Variants in HS6ST3 observed in about 807,000 individuals in gnomAD.
HS6ST3 encodes the protein heparan sulfate 6-O-sulfotransferase 3.
A neutral mutation model predicts 36.7 loss-of-function variants in HS6ST3; 12 were observed. The ratio of observed to expected loss-of-function variants is 0.33; its 90% confidence interval spans 0.21 to 0.53. The LOEUF is 0.53. HS6ST3 is among the 20% of genes least tolerant of loss of function. The pLI is 0.95. For synonymous variants in HS6ST3, 240 were observed against 257.5 expected, an observed-to-expected ratio of 0.93 and a Z score of 0.65; for missense variants, 584 against 640.9, an observed-to-expected ratio of 0.91 and a Z score of 0.96.
intron 1 of HS6ST3, among the ~76,000 whole-genome samples, chr13:96,559,505 C>T (rs183405739): frequency 1.3e-5 from 2 of 152,230 alleles, no homozygotes; most frequent in African/African-American, 4.8e-5. Flanking sequence ...TGATATCTAG[C>T]TGGTATTTGG....
intron 1 of HS6ST3, among the ~76,000 whole-genome samples, chr13:96,392,053 T>G (rs2055398519): frequency 6.6e-6 from 1 of 152,212 alleles, no homozygotes; most frequent in Non-Finnish European, 1.5e-5. Context: ...GCCCACTCTC[T>G]GCTGTAGCAG....
intron 1 of HS6ST3, among the ~76,000 whole-genome samples, chr13:96,149,411 A>G (rs1033724212): frequency 1.3e-5 from 2 of 152,128 alleles, no homozygotes; most frequent in Non-Finnish European, 2.9e-5. Context: ...TAGCCACAAT[A>G]GTGTGACCTC....
chr13:96,595,769 T>G (rs910870380), intron 1 of HS6ST3, among the ~76,000 whole-genome samples: 9 of 152,108 alleles, frequency 5.9e-5, no homozygotes, highest in African/African-American at 2.2e-4. Flanking sequence ...TAACCTGTAT[T>G]CAAGTACACA....
intron 1 of HS6ST3, among the ~76,000 whole-genome samples, chr13:96,698,167 G>A (rs1875183390): frequency 1.3e-5 from 2 of 151,968 alleles, no homozygotes; most frequent in South Asian, 4.1e-4. Context: ...TTAACATTAG[G>A]TATATCTCCC....
At chr13:96,184,967 C>A (rs1457143485) in intron 1 of HS6ST3, among the ~76,000 whole-genome samples, 1 of 152,120 alleles carries the variant, frequency 6.6e-6, no homozygotes, top group Non-Finnish European at 1.5e-5. Context: ...AAATATATAT[C>A]TATTTAACTT....
intron 1 of HS6ST3, among the ~76,000 whole-genome samples, chr13:96,213,604 C>T (rs977149280): frequency 6.6e-6 from 1 of 151,472 alleles, no homozygotes; most frequent in East Asian, 1.9e-4. Context: ...TCAGCTCACT[C>T]TGTGCAGGAC....
At chr13:96,800,768 T>A (rs1878046237) in intron 1 of HS6ST3, among the ~76,000 whole-genome samples, 2 of 152,030 alleles carry the variant, frequency 1.3e-5, no homozygotes, top group Non-Finnish European at 2.9e-5. Flanking sequence ...TCAAGAACTT[T>A]ACTCCCACCA....
intron 1 of HS6ST3, among the ~76,000 whole-genome samples, chr13:96,257,811 T>A (rs2054644468): frequency 6.6e-6 from 1 of 152,134 alleles, no homozygotes; most frequent in Admixed American, 6.5e-5. Context: ...CACAGAGTAT[T>A]AGAGAGAAGA....
intron 1 of HS6ST3, among the ~76,000 whole-genome samples, chr13:96,136,924 G>C (rs985337616): frequency 6.6e-6 from 1 of 151,906 alleles, no homozygotes; most frequent in Non-Finnish European, 1.5e-5. Flanking sequence ...AGACTTTGTG[G>C]TGTGAAAGGG....
chr13:96,482,704 A>G (rs745607588), intron 1 of HS6ST3, among the ~76,000 whole-genome samples: 1 of 152,228 alleles, frequency 6.6e-6, no homozygotes, highest in African/African-American at 2.4e-5. Context: ...AACATTAAAT[A>G]TAAAGAAGTG....
intron 1 of HS6ST3, among the ~76,000 whole-genome samples, chr13:96,760,843 A>C (rs1361886976): frequency 6.6e-6 from 1 of 152,116 alleles, no homozygotes; most frequent in Non-Finnish European, 1.5e-5. Flanking sequence ...CATAGGAAGC[A>C]TTGGTAGTAA....
intron 1 of HS6ST3, among the ~76,000 whole-genome samples, chr13:96,204,270 T>C (rs186487044): frequency 6.6e-6 from 1 of 152,080 alleles, no homozygotes; most frequent in East Asian, 1.9e-4. Flanking sequence ...CATAACATAA[T>C]GGTAAAAGGT....
chr13:96,374,435 G>T (rs1192939177), intron 1 of HS6ST3, among the ~76,000 whole-genome samples: 1 of 152,038 alleles, frequency 6.6e-6, no homozygotes, highest in Non-Finnish European at 1.5e-5. Context: ...CCCATTCTCT[G>T]TGATTTCATC....
intron 1 of HS6ST3, among the ~76,000 whole-genome samples, chr13:96,814,695 T>A (rs1566460352): frequency 6.6e-6 from 1 of 152,176 alleles, no homozygotes; most frequent in Non-Finnish European, 1.5e-5. Context: ...ATTTCTCATA[T>A]TTTGCATGTC....
At chr13:96,641,113 G>A (rs1002565408) in intron 1 of HS6ST3, among the ~76,000 whole-genome samples, 7 of 151,956 alleles carry the variant, frequency 4.6e-5, no homozygotes, top group Non-Finnish European at 7.4e-5. Context: ...AGCTTGATAA[G>A]ATAGCATTGA....
intron 1 of HS6ST3, among the ~76,000 whole-genome samples, chr13:96,491,158 A>C (rs1269548050): frequency 6.6e-6 from 1 of 152,186 alleles, no homozygotes; most frequent in Non-Finnish European, 1.5e-5. Context: ...AATTAAGTTC[A>C]AGGGAAACAC....
At position 96,571,794 on chromosome 13, in the gene HS6ST3, T is replaced by C. The variant is rs145741562; in HGVS notation, c.708-260696T>C. ...AGTGTTTAGGAAAAAGAGTCAAAGA[T>C]AGTTTGTATATTTATGCCTACCTCA... On this transcript the variant is annotated intron_variant, in intron 1 of 1. Transcript: ENST00000376705. Among the ~76,000 whole-genome samples the C allele has an allele frequency of 7.5e-4, 115 of 152,320 alleles. No homozygotes were observed. The East Asian group carries it at 0.019, about 25-fold the overall frequency.
intron 1 of HS6ST3, among the ~76,000 whole-genome samples, chr13:96,810,745 C>A (rs1878300653): frequency 6.6e-6 from 1 of 152,132 alleles, no homozygotes; most frequent in South Asian, 2.1e-4. Context: ...GTCTTTGCTG[C>A]CAACTGAGAG....
At chr13:96,651,616 A>T (rs1396896777) in intron 1 of HS6ST3, among the ~76,000 whole-genome samples, 2 of 152,058 alleles carry the variant, frequency 1.3e-5, no homozygotes, top group African/African-American at 2.4e-5. Context: ...AAAATTAGAT[A>T]AAAAACTTCT....
Sources: gnomAD v4.1 joint callset for allele counts (sites outside exome capture counted in the v4.1 genomes callset) on GRCh38, gnomAD v4.1.1 for gene constraint, MANE v1.5 for transcripts, NCBI Gene and HGNC (gene_info 2026-07-23, HGNC 2026-07-21) for gene names.